Variants in NEGR1 observed in about 807,000 individuals in gnomAD.
NEGR1 encodes neuronal growth regulator 1.
NEGR1 carries 10 observed loss-of-function variants against 40.9 expected under a neutral mutation model. That is an observed-to-expected ratio of 0.24 (90% CI 0.15 to 0.42). The LOEUF (loss-of-function observed/expected upper bound fraction) is 0.42. Among genes scored for constraint, NEGR1 ranks in the 10% least tolerant of loss-of-function variants. The probability of loss-of-function intolerance (pLI) is 1.00; values close to 1 mark genes in which losing one functional copy is unlikely to be tolerated. For synonymous variants in NEGR1, 185 were observed against 166.8 expected (o/e 1.11, Z -0.84); for missense variants, 352 against 438.9 (o/e 0.80, Z 1.77).
intron 1 of NEGR1, among the ~76,000 whole-genome samples, chr1:72,034,842 C>T (rs533332322): frequency 6.6e-6 from 1 of 152,016 alleles, no homozygotes; most frequent in Non-Finnish European, 1.5e-5. Context: ...AAAACGCAGC[C>T]CCAAACCATT....
intron 1 of NEGR1, among the ~76,000 whole-genome samples, chr1:72,241,110 A>G (rs551488864): frequency 1.1e-3 from 161 of 151,878 alleles, no homozygotes; most frequent in African/African-American, 3.6e-3. Context: ...ACAAGTTTGT[A>G]TTTTAATTTT....
At position 72,084,971 on chromosome 1, in the gene NEGR1, G is replaced by C. The variant is rs950901317; in HGVS notation, c.177-149660C>G. ...TAATGATTCAGGTTAGGACCTTTTTGGGAATGGTCTGACAGATTTACAGAC... is the reference window on the plus strand; with the variant it reads ...TAATGATTCAGGTTAGGACCTTTTTCGGAATGGTCTGACAGATTTACAGAC... On this transcript the variant is annotated intron_variant, in intron 1 of 6. Transcript: ENST00000357731. Among the ~76,000 whole-genome samples, 15 of 152,138 alleles carry C rather than the reference G, an allele frequency of 9.9e-5. 1 individual carries two copies.
intron 1 of NEGR1, among the ~76,000 whole-genome samples, chr1:72,026,110 CAAAAAAAAAAAA>C (rs1172589239): frequency 1.3e-3 from 41 of 31,150 alleles, no homozygotes; most frequent in Middle Eastern, 0.071. Context: ...GACTCCGTCT[CAAAAAAAAAAAA>C]AAAAAAAAAA....
chr1:71,676,658 AC>A (rs1652650962), intron 4 of NEGR1, among the ~76,000 whole-genome samples: 1 of 152,140 alleles, frequency 6.6e-6, no homozygotes, highest in Non-Finnish European at 1.5e-5. Context: ...TCTCAATGTA[AC>A]CCACAGGGTG....
chr1:71,983,584 T>C (rs1244475856), intron 1 of NEGR1, among the ~76,000 whole-genome samples: 2 of 152,200 alleles, frequency 1.3e-5, no homozygotes, highest in Non-Finnish European at 2.9e-5. Flanking sequence ...TTTGAGCAGA[T>C]ACAATCAAAT....
At chr1:72,224,207 A>G (rs1211174808) in intron 1 of NEGR1, among the ~76,000 whole-genome samples, 5 of 149,820 alleles carry the variant, frequency 3.3e-5, no homozygotes, top group Non-Finnish European at 3.0e-5. Context: ...TTTACTGTCT[A>G]AGTTCTAAAA....
intron 6 of NEGR1, among the ~76,000 whole-genome samples, chr1:71,431,108 G>A (rs1203728168): frequency 1.4e-5 from 2 of 142,372 alleles, no homozygotes; most frequent in African/African-American, 2.6e-5. Context: ...TCATAAAAAA[G>A]GTCAAAAAAA....
intron 6 of NEGR1, among the ~76,000 whole-genome samples, chr1:71,585,649 C>T (rs940279850): frequency 6.9e-6 from 1 of 145,374 alleles, no homozygotes; most frequent in African/African-American, 2.5e-5. Flanking sequence ...CTGGGAGAAA[C>T]ACATCAGTAG....
At chr1:71,470,396 T>C (rs1453411321) in intron 6 of NEGR1, among the ~76,000 whole-genome samples, 2 of 152,142 alleles carry the variant, frequency 1.3e-5, no homozygotes, top group Non-Finnish European at 2.9e-5. Context: ...TGAAACGCTA[T>C]TAGGCTAGGA....
intron 1 of NEGR1, among the ~76,000 whole-genome samples, chr1:72,241,130 T>C (rs563953858): frequency 1.5e-4 from 23 of 151,776 alleles, no homozygotes; most frequent in Non-Finnish European, 2.1e-4. Flanking sequence ...TTATCGCTAA[T>C]GTCATTTTTC....
At chr1:72,068,888 GTTTATCATGAATATTATATCAT>G (rs1460012039) in intron 1 of NEGR1, among the ~76,000 whole-genome samples, 2 of 151,908 alleles carry the variant, frequency 1.3e-5, no homozygotes, top group Non-Finnish European at 2.9e-5. Context: ...CAAAACACAT[GTTTATCATGAATATTATATCAT>G]TTAATAGGAA....
At chr1:71,765,186 A>G (rs1656079458) in intron 3 of NEGR1, among the ~76,000 whole-genome samples, 1 of 152,154 alleles carries the variant, frequency 6.6e-6, no homozygotes, top group African/African-American at 2.4e-5. Flanking sequence ...AGAACGGCCC[A>G]ATCCTTCCCT....
intron 5 of NEGR1, among the ~76,000 whole-genome samples, chr1:71,597,426 A>ATGTCTCTCTCTC (rs1408269920): frequency 8.3e-6 from 1 of 120,786 alleles, no homozygotes; most frequent in African/African-American, 3.4e-5. Context: ...ATATATATAT[A>ATGTCTCTCTCTC]TATATGTCTC....
Position 71,407,310 on chromosome 1 carries a change from A to G in NEGR1, c.*136T>C, listed in dbSNP as rs1288454290. The G allele has an allele frequency of 7.3e-6, 5 of 688,132 alleles. No individual in the cohort carries two copies. The highest frequency in any genetic ancestry group is 1.2e-5 in the Non-Finnish European group (5 of 404,224). The allele number at this position is 688,132 out of a possible 1,614,324, so 42.6% of individuals were successfully genotyped here. ...AATTAAAGTATTTACATAATGAGCAATTCTACAGAAGGCGATCATCCCCAT... is the reference window on the plus strand; with the variant it reads ...AATTAAAGTATTTACATAATGAGCAGTTCTACAGAAGGCGATCATCCCCAT... On this transcript the variant is annotated 3_prime_UTR_variant, in exon 7 of 7. Coordinates refer to ENST00000357731, the MANE Select transcript of NEGR1 (RefSeq NM_173808.3).
At chr1:71,460,360 T>C (rs139691659) in intron 6 of NEGR1, among the ~76,000 whole-genome samples, 12 of 152,248 alleles carry the variant, frequency 7.9e-5, no homozygotes, top group Non-Finnish European at 1.3e-4. Context: ...ACAAGTCACC[T>C]AGGGCCAGGG....
chr1:71,644,410 C>A (rs1651463811), intron 4 of NEGR1, among the ~76,000 whole-genome samples: 1 of 151,844 alleles, frequency 6.6e-6, no homozygotes, highest in Non-Finnish European at 1.5e-5. Context: ...TCTCTTTTTT[C>A]CATAATGTTT....
chr1:71,927,629 C>T (rs1165372429), intron 2 of NEGR1, among the ~76,000 whole-genome samples: 1 of 151,496 alleles, frequency 6.6e-6, no homozygotes, highest in Non-Finnish European at 1.5e-5. Flanking sequence ...AATAATACTG[C>T]TTCATATAGT....
intron 1 of NEGR1, among the ~76,000 whole-genome samples, chr1:72,000,030 C>T (rs1332153781): frequency 2.0e-5 from 3 of 151,678 alleles, no homozygotes; most frequent in Admixed American, 6.6e-5. Flanking sequence ...TTATGTTGTT[C>T]GGTTCCCAGA....
chr1:72,156,203 G>C (rs571494543), intron 1 of NEGR1, among the ~76,000 whole-genome samples: 2 of 152,068 alleles, frequency 1.3e-5, no homozygotes, highest in Non-Finnish European at 1.5e-5. Flanking sequence ...CTATCTGTTT[G>C]AATAATCATT....
Sources: gnomAD v4.1 joint callset for allele counts (sites outside exome capture counted in the v4.1 genomes callset) on GRCh38, gnomAD v4.1.1 for gene constraint, MANE v1.5 for transcripts, NCBI Gene and HGNC (gene_info 2026-07-23, HGNC 2026-07-21) for gene names.